Variants in PDE3B observed in about 807,000 individuals in gnomAD.
PDE3B encodes the protein cGMP-inhibited 3',5'-cyclic phosphodiesterase 3B.
A neutral mutation model predicts 116.8 loss-of-function variants in PDE3B; 66 were observed. That is an observed-to-expected ratio of 0.56 (90% CI 0.46 to 0.69). The LOEUF (loss-of-function observed/expected upper bound fraction) is 0.69, where lower values mean the gene tolerates loss of function less well. Ranked by LOEUF, PDE3B falls within the 30% of genes least tolerant of loss-of-function variation. The pLI, the probability that PDE3B is intolerant of heterozygous loss-of-function variation, is 0.00. For missense variants in PDE3B, 1,384 were observed against 1,368.1 expected (o/e 1.01, Z -0.18); for synonymous variants, 595 against 533.6 (o/e 1.12, Z -1.59).
chr11:14,807,026 A>G (rs2133938070), intron 5 of PDE3B, among the ~76,000 whole-genome samples: 1 of 152,292 alleles, frequency 6.6e-6, no homozygotes, highest in East Asian at 1.9e-4. Context: ...TAAACACCGC[A>G]TGTTCTCACT....
At chr11:14,725,327 CTT>C (rs1225721860) in intron 1 of PDE3B, among the ~76,000 whole-genome samples, 9 of 107,212 alleles carry the variant, frequency 8.4e-5, no homozygotes, top group African/African-American at 2.2e-4. Context: ...TTCTTTCTTT[CTT>C]TTTCTTTCTT....
In PDE3B at chr11:14,859,053, A is replaced by G. The variant is rs1452617806; in HGVS notation, c.2531A>G (p.Tyr844Cys). 3.4e-5 allele frequency: 55 copies of G among 1,610,570 alleles called. No homozygotes were observed. Among genetic ancestry groups the G allele is most frequent in the Non-Finnish European group, 4.7e-5 (55 of 1,178,232 alleles). ...TATATTTCTTTTTAGGCAGTTTTATACAATGACAGATCTGTTCTGGAAAAT... is the reference window on the plus strand; with the variant it reads ...TATATTTCTTTTTAGGCAGTTTTATGCAATGACAGATCTGTTCTGGAAAAT... ...VATNAPQAVL[Y>C]NDRSVLENHH... The change falls in exon 13 of 16, where the codon TAC becomes TGC. Residue 844 changes from tyrosine to cysteine, a missense_variant. Physicochemically the swap from Tyr to Cys is radical, Grantham distance 194. Around this residue, in one of 2 missense-constraint regions of PDE3B, gnomAD observed 428 missense variants for 561.4 expected, o/e 0.76. Transcript: ENST00000282096.
chr11:14,891,943 T>TGGCGGCCCTCCCTGCCC, the PDE3B span: 1 of 1,603,056 alleles, frequency 6.2e-7, no homozygotes, highest in Non-Finnish European at 8.5e-7. Context: ...CGGGCCAGCC[T>TGGCGGCCCTCCCTGCCC]GGCGGCCCTC....
intron 1 of PDE3B, among the ~76,000 whole-genome samples, chr11:14,753,952 A>G (rs1857119711): frequency 6.6e-6 from 1 of 151,932 alleles, no homozygotes; most frequent in South Asian, 2.1e-4. Flanking sequence ...TTATTTTGTA[A>G]TAAGATAGAG....
At chr11:14,804,257 G>C (rs1354825892) in intron 5 of PDE3B, among the ~76,000 whole-genome samples, 6 of 152,048 alleles carry the variant, frequency 3.9e-5, no homozygotes, top group African/African-American at 1.4e-4. Context: ...CTCTGTACCA[G>C]GTATTTTGCT....
At chr11:14,785,932 G>C (rs1294277960) in intron 2 of PDE3B, among the ~76,000 whole-genome samples, 2 of 151,946 alleles carry the variant, frequency 1.3e-5, no homozygotes, top group East Asian at 3.9e-4. Context: ...TATATTATCA[G>C]ATTTCTCATA....
At chr11:14,878,101 C>T in the PDE3B span, 4 of 1,612,276 alleles carry the variant, frequency 2.5e-6, no homozygotes, top group Non-Finnish European at 3.4e-6. Context: ...ATTCTTGTTC[C>T]CGAAAACATC....
At chr11:14,879,032 G>T in the PDE3B span, 3 of 1,101,538 alleles carry the variant, frequency 2.7e-6, no homozygotes, top group Non-Finnish European at 2.8e-6. Context: ...TCTATAGAAG[G>T]ATGCTTCAGA....
At chr11:14,721,563 G>A (rs1428194923) in intron 1 of PDE3B, among the ~76,000 whole-genome samples, 1 of 151,122 alleles carries the variant, frequency 6.6e-6, no homozygotes. Context: ...AGAAAATGTG[G>A]CACATATACA....
chr11:14,646,206 C>A (rs556070811), intron 1 of PDE3B, among the ~76,000 whole-genome samples: 61 of 152,204 alleles, frequency 4.0e-4, no homozygotes, highest in Non-Finnish European at 7.9e-4. Flanking sequence ...ACAAAAGTTT[C>A]TTGTCCTTAA....
the PDE3B span, chr11:14,880,790 T>C: frequency 1.3e-6 from 2 of 1,592,326 alleles, no homozygotes; most frequent in Non-Finnish European, 1.7e-6. Flanking sequence ...TATTAAAATA[T>C]TGTATAATTC....
the PDE3B span, among the ~76,000 whole-genome samples, chr11:14,895,375 G>A: frequency 1.3e-5 from 2 of 152,166 alleles, no homozygotes; most frequent in African/African-American, 4.8e-5. Flanking sequence ...AAAATTTGAT[G>A]TCTTGTTCGT....
intron 1 of PDE3B, among the ~76,000 whole-genome samples, chr11:14,739,672 T>A (rs990455765): frequency 6.6e-6 from 1 of 152,228 alleles, no homozygotes; most frequent in Admixed American, 6.5e-5. Context: ...GGCATCCTTG[T>A]CTTGTGCTGG....
chr11:14,687,395 T>C (rs1268834446), intron 1 of PDE3B, among the ~76,000 whole-genome samples: 1 of 152,194 alleles, frequency 6.6e-6, no homozygotes. Flanking sequence ...AGCTTTTTTC[T>C]AAAGTATATA....
At chr11:14,695,077 A>G (rs530341154) in intron 1 of PDE3B, among the ~76,000 whole-genome samples, 174 of 152,208 alleles carry the variant, frequency 1.1e-3, no homozygotes, top group African/African-American at 3.9e-3. Flanking sequence ...GTAGGTATCC[A>G]CTGTTCTGAC....
chr11:14,809,799 T>G (rs1859067168), intron 5 of PDE3B, among the ~76,000 whole-genome samples: 1 of 152,084 alleles, frequency 6.6e-6, no homozygotes, highest in Non-Finnish European at 1.5e-5. Context: ...TAATCAGACA[T>G]CAAGACTGCT....
intron 1 of PDE3B, among the ~76,000 whole-genome samples, chr11:14,702,067 G>T (rs1855378799): frequency 6.6e-6 from 1 of 150,434 alleles, no homozygotes. Context: ...TGTTCCCTAG[G>T]TTAATTTGCC....
chr11:14,683,121 G>A (rs144023650), intron 1 of PDE3B, among the ~76,000 whole-genome samples: 3 of 152,078 alleles, frequency 2.0e-5, no homozygotes, highest in East Asian at 1.9e-4. Context: ...TCTGTTTTTA[G>A]TAGAGACAGG....
intron 14 of PDE3B, among the ~76,000 whole-genome samples, chr11:14,866,685 A>C (rs1004040413): frequency 3.9e-5 from 6 of 152,188 alleles, no homozygotes; most frequent in African/African-American, 1.4e-4. Context: ...TACCTGCAGA[A>C]TTTGTACATT....
Sources: gnomAD v4.1 joint callset for allele counts (sites outside exome capture counted in the v4.1 genomes callset) on GRCh38, gnomAD v4.1.1 for gene constraint, gnomAD v4.1.1 regional missense constraint, MANE v1.5 for transcripts, NCBI Gene and HGNC (gene_info 2026-07-23, HGNC 2026-07-21) for gene names.